Variants in FRMPD4 observed in about 807,000 individuals in gnomAD.
The protein encoded by FRMPD4 is FERM and PDZ domain-containing protein 4.
Under a neutral mutation model 94.1 loss-of-function variants are expected in FRMPD4, and 22 were observed. That is an observed-to-expected ratio of 0.23 (90% CI 0.17 to 0.33). The LOEUF (loss-of-function observed/expected upper bound fraction) is 0.33, where lower values mean the gene tolerates loss of function less well. FRMPD4 is among the 10% of genes least tolerant of loss of function. FRMPD4 has a pLI of 1.00. For missense variants in FRMPD4, 1,111 were observed against 1,339.9 expected (o/e 0.83, Z 2.67); for synonymous variants, 631 against 548.6 (o/e 1.15, Z -2.10).
intron 3 of FRMPD4, among the ~76,000 whole-genome samples, chrX:12,017,559 T>A (rs1480017161): frequency 8.9e-6 from 1 of 112,251 alleles, no homozygotes; most frequent in Non-Finnish European, 1.9e-5. Context: ...CAGTGAAGGG[T>A]CAAGAGTATA....
At chrX:12,520,116 T>C (rs1289029645) in intron 2 of FRMPD4, among the ~76,000 whole-genome samples, 3 of 112,360 alleles carry the variant, frequency 2.7e-5, no homozygotes, top group Non-Finnish European at 5.6e-5. Flanking sequence ...AGGAGTGTTA[T>C]TCACAATAGC....
At chrX:12,353,745 T>C (rs761208490) in intron 1 of FRMPD4, among the ~76,000 whole-genome samples, 2 of 112,525 alleles carry the variant, frequency 1.8e-5, no homozygotes, top group Non-Finnish European at 3.7e-5. Flanking sequence ...ATTTGTTTAT[T>C]TGTCTTTGAA....
intron 3 of FRMPD4, among the ~76,000 whole-genome samples, chrX:11,982,730 A>G (rs747576775): frequency 8.9e-6 from 1 of 112,029 alleles, no homozygotes; most frequent in East Asian, 2.8e-4. Flanking sequence ...AATTTTAATT[A>G]TTACATTTTA....
intron 1 of FRMPD4, among the ~76,000 whole-genome samples, chrX:12,221,844 G>A (rs972477088): frequency 1.5e-4 from 17 of 111,843 alleles, no homozygotes; most frequent in African/African-American, 4.6e-4. Context: ...TGATATAATA[G>A]CGACATCAGG....
At chrX:12,095,669 A>C (rs1014463784) in intron 3 of FRMPD4, among the ~76,000 whole-genome samples, 5 of 111,518 alleles carry the variant, frequency 4.5e-5, no homozygotes, top group African/African-American at 1.6e-4. Context: ...TGAGCTCACT[A>C]CTTTATTAAG....
chrX:12,343,263 G>C (rs1017295277), intron 1 of FRMPD4, among the ~76,000 whole-genome samples: 2 of 112,037 alleles, frequency 1.8e-5, no homozygotes, highest in Admixed American at 1.9e-4. Context: ...TGGTTACTGA[G>C]TGACCTTGGA....
rs190887596 is a variant in FRMPD4, at chrX:11,970,877, C to T, written c.95+92859C>T. Among the ~76,000 whole-genome samples the T allele has an allele frequency of 3.3e-3, 366 of 111,813 alleles. 2 individuals carry two copies. Among genetic ancestry groups the T allele is most frequent in the Non-Finnish European group, 5.4e-3 (289 of 53,114 alleles). The stretch of plus-strand genomic sequence containing the variant: ...AATCTCATAGAAGTTGGATAATTAC[C>T]CCGTGGCTCAATCCAATTCCATTTG... On this transcript the variant is annotated intron_variant, in intron 3 of 18. Coordinates refer to the FRMPD4 transcript ENST00000640291.
At chrX:12,007,450 T>A (rs777288626) in intron 3 of FRMPD4, among the ~76,000 whole-genome samples, 33 of 112,184 alleles carry the variant, frequency 2.9e-4, no homozygotes, top group Admixed American at 7.5e-4. Context: ...TTTTTTCTAC[T>A]CTTTCCCATG....
At chrX:12,193,772 A>G (rs868168356) in intron 1 of FRMPD4, among the ~76,000 whole-genome samples, 36 of 12,626 alleles carry the variant, frequency 2.9e-3, no homozygotes, top group African/African-American at 0.018. Context: ...GAAAGAAAGA[A>G]AGGAAGGAAG....
intron 3 of FRMPD4, among the ~76,000 whole-genome samples, chrX:11,974,073 G>T (rs2054354524): frequency 1.8e-5 from 2 of 111,411 alleles, no homozygotes; most frequent in South Asian, 7.6e-4. Flanking sequence ...TAAAGAATTT[G>T]CAGAGAAAAA....
At chrX:12,634,824 CTTTTTTTTT>C (rs780126204) in intron 4 of FRMPD4, among the ~76,000 whole-genome samples, 7 of 52,214 alleles carry the variant, frequency 1.3e-4, no homozygotes, top group African/African-American at 1.7e-4. Context: ...GTCCATCTCT[CTTTTTTTTT>C]TTTTTTTTTT....
chrX:12,491,072 G>A (rs191797183), intron 1 of FRMPD4, among the ~76,000 whole-genome samples: 2 of 110,576 alleles, frequency 1.8e-5, no homozygotes, highest in East Asian at 2.9e-4. Flanking sequence ...TGTTTCCCTA[G>A]AGCCACACCA....
At chrX:12,357,209 A>G (rs192192419) in intron 1 of FRMPD4, among the ~76,000 whole-genome samples, 12 of 112,302 alleles carry the variant, frequency 1.1e-4, no homozygotes, top group Non-Finnish European at 1.7e-4. Context: ...AGAACACTGT[A>G]TGTCATTGGC....
chrX:12,336,041 C>T (rs1032686357), intron 1 of FRMPD4, among the ~76,000 whole-genome samples: 3 of 111,937 alleles, frequency 2.7e-5, no homozygotes, highest in African/African-American at 9.7e-5. Context: ...TTTTATTTCC[C>T]TGTGTGTGAT....
intron 2 of FRMPD4, among the ~76,000 whole-genome samples, chrX:12,550,726 C>T (rs1319192178): frequency 3.6e-5 from 4 of 110,321 alleles, no homozygotes; most frequent in Admixed American, 9.7e-5. Context: ...TAATAATACT[C>T]CTCAATTCAT....
intron 1 of FRMPD4, among the ~76,000 whole-genome samples, chrX:12,174,694 A>T (rs977028889): frequency 5.4e-5 from 6 of 111,477 alleles, no homozygotes; most frequent in African/African-American, 2.0e-4. Flanking sequence ...ACAAACACAG[A>T]GACCCCAGAG....
At chrX:12,586,427 G>T (rs2058929020) in intron 2 of FRMPD4, among the ~76,000 whole-genome samples, 1 of 112,763 alleles carries the variant, frequency 8.9e-6, no homozygotes, top group African/African-American at 3.2e-5. Context: ...TCTGATGTTT[G>T]CATCTTGCTG....
chrX:12,386,857 G>A (rs189192549), intron 1 of FRMPD4, among the ~76,000 whole-genome samples: 29 of 111,317 alleles, frequency 2.6e-4, no homozygotes, highest in Admixed American at 7.7e-4. Context: ...CTTATGGGGC[G>A]GGGTGGGGGC....
intron 3 of FRMPD4, among the ~76,000 whole-genome samples, chrX:12,122,450 C>T (rs2055463493): frequency 9.0e-6 from 1 of 111,601 alleles, no homozygotes. Flanking sequence ...GAAAACTGTA[C>T]AACAGGAGTG....
Sources: gnomAD v4.1 joint callset for allele counts (sites outside exome capture counted in the v4.1 genomes callset) on GRCh38, gnomAD v4.1.1 for gene constraint, MANE v1.5 for transcripts, NCBI Gene and HGNC (gene_info 2026-07-23, HGNC 2026-07-21) for gene names.